PCDHA1: variants seen among roughly 807,000 people sequenced by gnomAD.
PCDHA1 encodes protocadherin alpha-1.
PCDHA1 carries 42 observed loss-of-function variants against 61.3 expected under a neutral mutation model. The observed-to-expected ratio is 0.69, with a 90% CI of 0.54 to 0.89. The LOEUF is 0.89. Ranked by LOEUF, PCDHA1 falls within the 40% of genes least tolerant of loss-of-function variation. The pLI is 0.00. For synonymous variants in PCDHA1, 610 were observed against 553.8 expected, an observed-to-expected ratio of 1.10 and a Z score of -1.43; for missense variants, 1,256 against 1,235.3, an observed-to-expected ratio of 1.02 and a Z score of -0.25.
At chr5:140,918,046 G>A (rs1159911161) in intron 1 of PCDHA1, among the ~76,000 whole-genome samples, 2 of 152,006 alleles carry the variant, frequency 1.3e-5, no homozygotes, top group African/African-American at 4.8e-5. Flanking sequence ...CTTTCCATTT[G>A]TTTTATCATC....
intron 1 of PCDHA1, among the ~76,000 whole-genome samples, chr5:140,901,961 C>T (rs62384485): frequency 2.0e-5 from 3 of 151,946 alleles, no homozygotes; most frequent in Non-Finnish European, 2.9e-5. Flanking sequence ...TCGTGGCTAT[C>T]GTAAATGGGA....
At chr5:140,830,418 T>C in intron 1 of PCDHA1, 3 of 1,614,030 alleles carry the variant, frequency 1.9e-6, no homozygotes, top group Non-Finnish European at 2.5e-6. Flanking sequence ...AGCCCCAGCC[T>C]TTCACCTTGT....
chr5:140,891,468 T>C (rs1459925727), intron 1 of PCDHA1, among the ~76,000 whole-genome samples: 1 of 151,582 alleles, frequency 6.6e-6, no homozygotes, highest in Non-Finnish European at 1.5e-5. Context: ...TGTGAATTAA[T>C]GCCTTTACAT....
chr5:140,975,763 C>A (rs2096681691), intron 1 of PCDHA1, among the ~76,000 whole-genome samples: 1 of 152,140 alleles, frequency 6.6e-6, no homozygotes, highest in Non-Finnish European at 1.5e-5. Context: ...TGTCATAAAT[C>A]ACAGATAATA....
chr5:140,932,593 A>T (rs1347990722), intron 1 of PCDHA1, among the ~76,000 whole-genome samples: 1 of 151,922 alleles, frequency 6.6e-6, no homozygotes, highest in South Asian at 2.1e-4. Context: ...GATGTTTTGT[A>T]TATCTATTTT....
chr5:140,862,092 C>G (rs987479365), intron 1 of PCDHA1: 1 of 156,922 alleles, frequency 6.4e-6, no homozygotes, highest in African/African-American at 2.4e-5. Context: ...AGCCCTTTTT[C>G]GCATAGATTC....
intron 1 of PCDHA1, among the ~76,000 whole-genome samples, chr5:140,965,292 C>T (rs1305794672): frequency 6.6e-6 from 1 of 152,152 alleles, no homozygotes; most frequent in Non-Finnish European, 1.5e-5. Flanking sequence ...GAAAGATTTC[C>T]TCTGATCCTT....
chr5:140,840,327 C>T (rs1421494341), intron 1 of PCDHA1, among the ~76,000 whole-genome samples: 1 of 151,704 alleles, frequency 6.6e-6, no homozygotes, highest in East Asian at 1.9e-4. Flanking sequence ...GACTCATTTT[C>T]TAGGCAATGT....
intron 1 of PCDHA1, chr5:140,809,680 C>G (rs1325474116): frequency 4.5e-6 from 6 of 1,338,242 alleles, no homozygotes; most frequent in Non-Finnish European, 5.1e-6. Context: ...AATTTTACCT[C>G]TTTTTACATA....
At chr5:140,966,962 G>T (rs370831122) in intron 1 of PCDHA1, 4 of 1,602,632 alleles carry the variant, frequency 2.5e-6, no homozygotes, top group Non-Finnish European at 3.4e-6. Context: ...TCGCGCGCTG[G>T]GGCTTGAGCT....
At chr5:140,984,973 T>C (rs1397062066) in intron 3 of PCDHA1, among the ~76,000 whole-genome samples, 1 of 152,150 alleles carries the variant, frequency 6.6e-6, no homozygotes, top group Non-Finnish European at 1.5e-5. Context: ...AGTCTCGCTC[T>C]GTCCCCCAGG....
intron 1 of PCDHA1, chr5:140,871,535 G>GTTTC: frequency 6.6e-7 from 1 of 1,514,054 alleles, no homozygotes; most frequent in Non-Finnish European, 8.9e-7. Flanking sequence ...AAGTGTATGT[G>GTTTC]AAATTATTTA....
chr5:140,947,107 G>A (rs1041048233), intron 1 of PCDHA1, among the ~76,000 whole-genome samples: 12 of 151,202 alleles, frequency 7.9e-5, no homozygotes, highest in South Asian at 4.2e-4. Flanking sequence ...AAATAGGTAC[G>A]TGTCAATTAA....
chr5:140,849,752 C>T, intron 1 of PCDHA1: 1 of 1,598,394 alleles, frequency 6.3e-7, no homozygotes. Flanking sequence ...AGAGTGTGTC[C>T]GCCTACGAGC....
At position 140,858,233 on chromosome 5, in the gene PCDHA1, G is replaced by T. The variant is rs1014024880; in HGVS notation, c.2394+69549G>T. On this transcript the variant is annotated intron_variant, in intron 1 of 3. Coordinates refer to ENST00000504120, the MANE Select transcript of PCDHA1 (RefSeq NM_018900.4). ...GTGCTCGGCGGCGCCCACCGAGGGCGCATGTGGGCCGGTGAAGCCCACGCT... is the reference window on the plus strand; with the variant it reads ...GTGCTCGGCGGCGCCCACCGAGGGCTCATGTGGGCCGGTGAAGCCCACGCT... The T allele has an allele frequency of 9.4e-6, 15 of 1,596,216 alleles. 1 individual carries two copies. Among genetic ancestry groups the T allele is most frequent in the Non-Finnish European group, 1.1e-5 (13 of 1,166,126 alleles).
chr5:140,808,340 G>T (rs782123040), intron 1 of PCDHA1: 2 of 1,614,254 alleles, frequency 1.2e-6, no homozygotes, highest in South Asian at 2.2e-5. Flanking sequence ...CAATGGGCTG[G>T]TCACCTGCTC....
chr5:140,821,896 G>C, intron 1 of PCDHA1: 5 of 1,614,236 alleles, frequency 3.1e-6, no homozygotes, highest in Non-Finnish European at 4.2e-6. Context: ...AGCCAAACAC[G>C]GAACCTTCGT....
chr5:140,787,171 A>C lies in PCDHA1; in HGVS notation c.881A>C (p.Lys294Thr). The change falls in exon 1 of 4, where the codon AAA (lysine) becomes ACA (threonine). Residue 294 changes from lysine (K) to threonine (T), a missense_variant. Lys to Thr is a moderately conservative substitution (Grantham distance 78). Transcript: ENST00000504120. ...TCTCGTGACATTCAAGAAAAATTCA[A>C]AGTTGATTCCAGCTCAGGAGAAATT... ...GISRDIQEKF[K>T]VDSSSGEIRL... 1 of 1,613,750 alleles carries C rather than the reference A, an allele frequency of 6.2e-7. No individual in the cohort carries two copies. The highest frequency in any genetic ancestry group is 8.5e-7 in the Non-Finnish European group (1 of 1,179,870).
chr5:140,870,729 G>T (rs782392672), intron 1 of PCDHA1: 7 of 1,613,306 alleles, frequency 4.3e-6, no homozygotes, highest in Non-Finnish European at 5.1e-6. Flanking sequence ...CGGGCGTGCC[G>T]CCTCTGAGCA....
Sources: gnomAD v4.1 joint callset for allele counts (sites outside exome capture counted in the v4.1 genomes callset) on GRCh38, gnomAD v4.1.1 for gene constraint, MANE v1.5 for transcripts, NCBI Gene and HGNC (gene_info 2026-07-23, HGNC 2026-07-21) for gene names.